The following RASGRF2 variants were observed in gnomAD, a reference collection of about 807,000 sequenced individuals.
RASGRF2 encodes Ras protein specific guanine nucleotide releasing factor 2, also known as ras-specific guanine nucleotide-releasing factor 2.
Under a neutral mutation model 151.0 loss-of-function variants are expected in RASGRF2, and 76 were observed. The ratio of observed to expected loss-of-function variants is 0.50; its 90% CI spans 0.42 to 0.61. The LOEUF is 0.61. RASGRF2 is among the 20% of genes least tolerant of loss of function. The pLI is 0.00. For synonymous variants in RASGRF2, 504 were observed against 566.5 expected, an observed-to-expected ratio of 0.89 and a Z score of 1.57; for missense variants, 1,148 against 1,564.6, an observed-to-expected ratio of 0.73 and a Z score of 4.49.
intron 2 of RASGRF2, 151 bp downstream of exon 2, chr5:81,043,134 A>G: frequency 1.7e-6 from 1 of 575,642 alleles, no homozygotes; most frequent in Non-Finnish European, 3.1e-6. Flanking sequence ...TCATTATTTG[A>G]GCTTTCCATG....
rs535032485 is a variant in RASGRF2 at position 81,133,601 on chromosome 5, G to A, written c.2686+6438G>A. 3.9e-5 allele frequency among the ~76,000 whole-genome samples: 6 copies of A among 152,302 alleles called. 1 individual carries two copies. The highest frequency in any genetic ancestry group is 1.2e-4 in the African/African-American group (5 of 41,566). Reference sequence around the variant, plus strand: ...TAGAGTTTGTGAAATGATATAAAATGCAGTATGAAAGTGTGAGGTGGGTTA... The same window carrying A: ...TAGAGTTTGTGAAATGATATAAAATACAGTATGAAAGTGTGAGGTGGGTTA... On this transcript the variant is annotated intron_variant, in intron 17 of 26. Coordinates refer to ENST00000265080, the MANE Select transcript of RASGRF2 (RefSeq NM_006909.3).
chr5:81,058,375 G>A (rs1200353477), intron 2 of RASGRF2, among the ~76,000 whole-genome samples: 1 of 152,196 alleles, frequency 6.6e-6, no homozygotes, highest in Admixed American at 6.5e-5. Flanking sequence ...TAGTAGAATA[G>A]AAATGCCAGT....
intron 1 of RASGRF2, among the ~76,000 whole-genome samples, chr5:80,968,685 A>C (rs369506148): frequency 6.6e-6 from 1 of 152,172 alleles, no homozygotes; most frequent in African/African-American, 2.4e-5. Context: ...AGGAAGTTTG[A>C]ATCAATTTTA....
chr5:81,134,387 G>A (rs1753703855), intron 17 of RASGRF2, among the ~76,000 whole-genome samples: 1 of 152,036 alleles, frequency 6.6e-6, no homozygotes, highest in South Asian at 2.1e-4. Context: ...ACTGAGTCCT[G>A]TGTGCATCAC....
At chr5:80,970,543 G>T (rs5869062) in intron 1 of RASGRF2, among the ~76,000 whole-genome samples, 40,147 of 151,910 alleles carry the variant, frequency 0.26, 5,628 homozygotes, top group Middle Eastern at 0.38. Flanking sequence ...TTCCTCATAG[G>T]TTTTTTTCCC....
In RASGRF2 at chr5:81,113,710, A is replaced by G. The variant is rs1753067241; in HGVS notation, c.2260A>G (p.Lys754Glu). 5.0e-6 allele frequency: 8 copies of G among 1,613,846 alleles called. No homozygotes were observed. The highest frequency in any genetic ancestry group is 1.3e-5 in the African/African-American group (1 of 75,020). The change falls in exon 15 of 27, where the codon AAG becomes GAG. Residue 754 changes from lysine (K) to glutamate (E), a missense_variant. Transcript: ENST00000265080. ...GTCTTTGACTTCTCCCTTGAACTCA[A>G]AGATAGGAGCATTGGACCTGACAAC... is the stretch of plus-strand genomic sequence containing the variant. ...KLSLTSPLNSKIGALDLTTSS... is the reference protein window; with the variant it reads ...KLSLTSPLNSEIGALDLTTSS...
intron 1 of RASGRF2, among the ~76,000 whole-genome samples, chr5:80,965,811 G>T (rs1161164196): frequency 1.3e-5 from 2 of 152,138 alleles, no homozygotes; most frequent in Non-Finnish European, 2.9e-5. Context: ...TAAAACAATT[G>T]CTGATATTGC....
At position 81,159,904 on chromosome 5, in the gene RASGRF2, A is replaced by C. The variant is rs76124281; in HGVS notation, c.2687-20271A>C. On this transcript the variant is annotated intron_variant, in intron 17 of 26. Transcript: ENST00000265080. ...TTTTATAAGAATCTTGGAACTTTGAATTCTCTTCAGAGCAAAAGTTGATAT... is the reference window on the plus strand; with the variant it reads ...TTTTATAAGAATCTTGGAACTTTGACTTCTCTTCAGAGCAAAAGTTGATAT... Among the ~76,000 whole-genome samples the C allele has an allele frequency of 9.9e-3, 1,504 of 152,282 alleles. 26 individuals are homozygous for C. Among genetic ancestry groups the C allele is most frequent in the African/African-American group, 0.035 (1,444 of 41,546 alleles).
intron 11 of RASGRF2, 102 bp downstream of exon 11, chr5:81,094,464 C>G: frequency 8.7e-7 from 1 of 1,143,508 alleles, no homozygotes; most frequent in Non-Finnish European, 1.2e-6. Flanking sequence ...AAAATTGAAC[C>G]ATTTAGCCCA....
At chr5:80,970,503 T>C (rs1561531904) in intron 1 of RASGRF2, among the ~76,000 whole-genome samples, 1 of 152,080 alleles carries the variant, frequency 6.6e-6, no homozygotes, top group East Asian at 1.9e-4. Context: ...TTTCAGTGTG[T>C]TTATCCCCGT....
At chr5:81,086,995 C>T (rs768984258) in intron 9 of RASGRF2, 42 bp downstream of exon 9, 15 of 1,518,624 alleles carry the variant, frequency 9.9e-6, no homozygotes, top group Non-Finnish European at 1.2e-5. Flanking sequence ...ATGCGCTGTG[C>T]GGCTGTCACA....
At chr5:81,051,568 A>G (rs1254336349) in intron 2 of RASGRF2, among the ~76,000 whole-genome samples, 1 of 152,206 alleles carries the variant, frequency 6.6e-6, no homozygotes, top group Non-Finnish European at 1.5e-5. Context: ...TTTCATATAG[A>G]TGGAATCCTA....
At chr5:80,980,594 A>G (rs1174735255) in intron 1 of RASGRF2, among the ~76,000 whole-genome samples, 3 of 152,200 alleles carry the variant, frequency 2.0e-5, no homozygotes, top group Admixed American at 2.0e-4. Flanking sequence ...GTGAACCGAG[A>G]TCGTGCCACT....
intron 12 of RASGRF2, among the ~76,000 whole-genome samples, chr5:81,099,694 T>C (rs961691584): frequency 6.6e-6 from 1 of 152,186 alleles, no homozygotes. Context: ...CATGGAAAAG[T>C]GTTTTTGCCT....
At chr5:81,164,797 A>G (rs1050431760) in intron 17 of RASGRF2, among the ~76,000 whole-genome samples, 1 of 152,214 alleles carries the variant, frequency 6.6e-6, no homozygotes, top group Non-Finnish European at 1.5e-5. Context: ...GGGAGGAATG[A>G]TGAAATTCCT....
At chr5:81,192,512 C>T (rs1197369571) in intron 18 of RASGRF2, among the ~76,000 whole-genome samples, 1 of 152,228 alleles carries the variant, frequency 6.6e-6, no homozygotes, top group Non-Finnish European at 1.5e-5. Flanking sequence ...AGCCCTGATT[C>T]AGAGTCCCTG....
At position 81,183,461 on chromosome 5, in the gene RASGRF2, A is replaced by G. The variant is rs74599120; in HGVS notation, c.2793+3180A>G. The G allele has an allele frequency of 8.9e-5, 25 of 281,634 alleles. No homozygotes were observed. The East Asian group carries it at 4.2e-3, about 47-fold the overall frequency. 17.4% of individuals were successfully genotyped at this position (281,634 alleles called of 1,614,324 possible). A position where few individuals can be genotyped will look rare whatever the true frequency, so the allele number is the denominator to read the frequency against. ...TCCTAACTCTACCCCATGTGGTGCT[A>G]GGATAGCATTTCATCTTCTGGAGCC... On this transcript the variant is annotated intron_variant, in intron 18 of 26. Coordinates refer to ENST00000265080, the MANE Select transcript of RASGRF2 (RefSeq NM_006909.3).
rs749417265 is a variant in RASGRF2 at position 81,112,689 on chromosome 5, C to T, written c.1918C>T (p.Arg640Cys). Residue 640 changes from arginine to cysteine, a missense_variant, in exon 14 of 27, where the codon CGT (arginine) becomes TGT (cysteine). By Grantham distance (180) the Arg-to-Cys change is radical (BLOSUM62 -3). This residue lies in a region of RASGRF2 where 646 missense variants were observed against 807.4 expected (regional missense o/e 0.80). Coordinates refer to ENST00000265080, the MANE Select transcript of RASGRF2 (RefSeq NM_006909.3). ...CAACTCCTGCAAAGTGCCCCAGATC[C>T]GTTATGCCAGCGTGGAGCGCCTCTT... ...TLNSCKVPQI[R>C]YASVERLLER... 3.1e-6 allele frequency: 5 copies of T among 1,614,180 alleles called. No homozygotes were observed. Among genetic ancestry groups the T allele is most frequent in the Non-Finnish European group, 4.2e-6 (5 of 1,180,024 alleles).
intron 1 of RASGRF2, among the ~76,000 whole-genome samples, chr5:81,004,424 CA>C (rs1285023278): frequency 1.3e-5 from 2 of 152,188 alleles, no homozygotes; most frequent in African/African-American, 4.8e-5. Flanking sequence ...ATTTACTTAT[CA>C]ATGAGTTCAC....
Sources: allele counts gnomAD v4.1 joint callset (sites outside exome capture counted in the v4.1 genomes callset), GRCh38; gene constraint gnomAD v4.1.1; regional missense constraint gnomAD v4.1.1; transcripts MANE v1.5; gene names NCBI Gene and HGNC (gene_info 2026-07-23, HGNC 2026-07-21).